WDPCP: variants seen among roughly 807,000 people sequenced by gnomAD.
WDPCP encodes the protein WD repeat-containing and planar cell polarity effector protein fritz homolog.
A neutral mutation model predicts 93.1 loss-of-function variants in WDPCP; 71 were observed. The ratio of observed to expected loss-of-function variants is 0.76; its 90% CI spans 0.63 to 0.93. The LOEUF (loss-of-function observed/expected upper bound fraction) is 0.93. Among genes scored for constraint, WDPCP ranks in the 40% least tolerant of loss-of-function variants. The pLI is 0.00. For synonymous variants in WDPCP, 315 were observed against 315.0 expected (o/e 1.00, Z 0.00); for missense variants, 844 against 887.4 (o/e 0.95, Z 0.62).
upstream of WDPCP, among the ~76,000 whole-genome samples, chr2:63,832,639 G>A (rs914101884): frequency 2.0e-5 from 3 of 151,976 alleles, no homozygotes; most frequent in South Asian, 6.2e-4. Flanking sequence ...AGAAATAATG[G>A]GAAAACTCTA....
chr2:63,725,709 T>C (rs1053894904), intron 2 of WDPCP, among the ~76,000 whole-genome samples: 1 of 152,140 alleles, frequency 6.6e-6, no homozygotes, highest in East Asian at 1.9e-4. Context: ...CCAGCATCTG[T>C]TATTTTTTTG....
chr2:63,153,697 TA>T, intron 15 of WDPCP, 123 bp from the exon 16 acceptor site: 2 of 593,802 alleles, frequency 3.4e-6, no homozygotes, highest in Non-Finnish European at 2.7e-6. Flanking sequence ...AAAATGTAAT[TA>T]AAAAATTTCT....
intron 15 of WDPCP, among the ~76,000 whole-genome samples, chr2:63,164,172 T>C (rs1206494924): frequency 6.6e-6 from 1 of 152,212 alleles, no homozygotes; most frequent in Non-Finnish European, 1.5e-5. Context: ...GTTGACTTAT[T>C]TGAAATACAA....
chr2:63,199,096 T>C (rs540260380), intron 14 of WDPCP, among the ~76,000 whole-genome samples: 84 of 152,298 alleles, frequency 5.5e-4, no homozygotes, highest in African/African-American at 1.8e-3. Flanking sequence ...GGTGGAAGGA[T>C]TTCTAAGCAG....
At chr2:63,474,204 A>C (rs2105840951) in intron 6 of WDPCP, among the ~76,000 whole-genome samples, 1 of 152,270 alleles carries the variant, frequency 6.6e-6, no homozygotes, top group Admixed American at 6.5e-5. Context: ...GAATTGAAGA[A>C]TATCCAATTA....
intron 1 of WDPCP, among the ~76,000 whole-genome samples, chr2:63,526,965 A>G (rs1370849895): frequency 6.6e-6 from 1 of 152,234 alleles, no homozygotes; most frequent in African/African-American, 2.4e-5. Flanking sequence ...AGATTAGGGA[A>G]AAGAACACAC....
the WDPCP span, among the ~76,000 whole-genome samples, chr2:63,834,276 T>G: frequency 6.6e-6 from 1 of 152,350 alleles, no homozygotes; most frequent in African/African-American, 2.4e-5. Context: ...CCAAATAGTC[T>G]GTTTTTAATT....
chr2:63,349,728 T>G (rs1012605199), intron 12 of WDPCP, among the ~76,000 whole-genome samples: 2 of 152,210 alleles, frequency 1.3e-5, no homozygotes, highest in Admixed American at 6.5e-5. Context: ...AGTCTTATTT[T>G]CATCCTTTGA....
At chr2:63,818,831 A>C (rs1207458450) in intron 1 of WDPCP, among the ~76,000 whole-genome samples, 1 of 152,206 alleles carries the variant, frequency 6.6e-6, no homozygotes, top group Non-Finnish European at 1.5e-5. Flanking sequence ...GGTCAAATTA[A>C]TGGTTACTTC....
At chr2:63,423,929 C>T (rs1043231580) in intron 9 of WDPCP, among the ~76,000 whole-genome samples, 3 of 151,906 alleles carry the variant, frequency 2.0e-5, no homozygotes, top group Non-Finnish European at 2.9e-5. Context: ...AGCCAAGGTA[C>T]TTGGAACAGA....
chr2:63,689,734 A>G (rs915387196), intron 2 of WDPCP, among the ~76,000 whole-genome samples: 2 of 152,202 alleles, frequency 1.3e-5, no homozygotes, highest in African/African-American at 2.4e-5. Context: ...TTCTTCAGAT[A>G]TAAGATCTCT....
chr2:63,585,519 C>T (rs775388519), intron 1 of WDPCP, among the ~76,000 whole-genome samples: 1 of 152,028 alleles, frequency 6.6e-6, no homozygotes, highest in African/African-American at 2.4e-5. Flanking sequence ...ATAAATAATC[C>T]TATTTTCAAT....
chr2:63,325,969 T>C (rs888855913), intron 12 of WDPCP, among the ~76,000 whole-genome samples: 6 of 152,146 alleles, frequency 3.9e-5, no homozygotes, highest in African/African-American at 7.2e-5. Context: ...AGTAAGGAAA[T>C]TGATGTAGTA....
intron 13 of WDPCP, among the ~76,000 whole-genome samples, chr2:63,267,270 G>C (rs1042838667): frequency 6.6e-6 from 1 of 152,176 alleles, no homozygotes; most frequent in African/African-American, 2.4e-5. Context: ...AATAAATGGT[G>C]TTGGGAAAAC....
At chr2:63,738,803 A>G (rs926473056) in intron 2 of WDPCP, among the ~76,000 whole-genome samples, 1 of 152,162 alleles carries the variant, frequency 6.6e-6, no homozygotes, top group Non-Finnish European at 1.5e-5. Context: ...AATTTTCACA[A>G]CTGAACACAC....
intron 2 of WDPCP, among the ~76,000 whole-genome samples, chr2:63,678,317 G>A (rs1048515395): frequency 5.9e-5 from 9 of 152,108 alleles, no homozygotes; most frequent in African/African-American, 2.2e-4. Context: ...CATTTAGGGG[G>A]GAAACAATAC....
intron 2 of WDPCP, among the ~76,000 whole-genome samples, chr2:63,768,800 T>G (rs1389727448): frequency 1.3e-5 from 2 of 151,962 alleles, no homozygotes; most frequent in Non-Finnish European, 2.9e-5. Context: ...GGAGAGGAAT[T>G]AGACTCTTGC....
intron 17 of WDPCP, among the ~76,000 whole-genome samples, chr2:63,145,647 C>A (rs1671443279): frequency 6.6e-6 from 1 of 152,142 alleles, no homozygotes; most frequent in Non-Finnish European, 1.5e-5. Flanking sequence ...AGGCAGAGGG[C>A]ATGATGGGCT....
chr2:63,725,925 T>G (rs922266148), intron 2 of WDPCP, among the ~76,000 whole-genome samples: 1 of 152,176 alleles, frequency 6.6e-6, no homozygotes, highest in African/African-American at 2.4e-5. Flanking sequence ...AAGTTCCTTA[T>G]AGATTCTGGA....
Sources: gnomAD v4.1 joint callset for allele counts (sites outside exome capture counted in the v4.1 genomes callset) on GRCh38, gnomAD v4.1.1 for gene constraint, MANE v1.5 for transcripts, NCBI Gene and HGNC (gene_info 2026-07-23, HGNC 2026-07-21) for gene names.